The following ALDH1L1 variants were observed in gnomAD, a reference collection of about 807,000 sequenced individuals.
ALDH1L1 encodes cytosolic 10-formyltetrahydrofolate dehydrogenase.
Under a neutral mutation model 101.1 loss-of-function variants are expected in ALDH1L1, and 68 were observed. That is an observed-to-expected ratio of 0.67 (90% confidence interval 0.55 to 0.82). The LOEUF (loss-of-function observed/expected upper bound fraction) is 0.82, where lower values mean the gene tolerates loss of function less well. ALDH1L1 is among the 40% of genes least tolerant of loss of function. The probability of loss-of-function intolerance (pLI) is 0.00; values close to 1 mark genes in which losing one functional copy is unlikely to be tolerated. For missense variants in ALDH1L1, 1,087 were observed against 1,172.7 expected (o/e 0.93, Z 1.07); for synonymous variants, 486 against 470.8 (o/e 1.03, Z -0.42).
At chr3:126,139,002 C>T (rs1018670254) in intron 9 of ALDH1L1, among the ~76,000 whole-genome samples, 4 of 152,202 alleles carry the variant, frequency 2.6e-5, no homozygotes, top group Non-Finnish European at 5.9e-5. Flanking sequence ...TTGGCTGTCA[C>T]CCCCCACCTC....
intron 1 of ALDH1L1, among the ~76,000 whole-genome samples, chr3:126,164,018 C>A (rs996407266): frequency 6.6e-6 from 1 of 151,912 alleles, no homozygotes; most frequent in African/African-American, 2.4e-5. Flanking sequence ...GTAGTCCCAG[C>A]TACTTGGGAG....
intron 9 of ALDH1L1, among the ~76,000 whole-genome samples, chr3:126,142,074 T>C (rs1424637207): frequency 1.3e-5 from 2 of 150,156 alleles, no homozygotes; most frequent in African/African-American, 5.0e-5. Flanking sequence ...ATAAATTATA[T>C]GGCAACAGAT....
intron 16 of ALDH1L1, among the ~76,000 whole-genome samples, chr3:126,121,700 ACT>A (rs1173909504): frequency 6.6e-6 from 1 of 152,154 alleles, no homozygotes; most frequent in African/African-American, 2.4e-5. Context: ...AGAAAATCTG[ACT>A]CTCAGTAAGA....
intron 19 of ALDH1L1, among the ~76,000 whole-genome samples, chr3:126,111,144 C>T (rs1236889179): frequency 6.6e-6 from 1 of 152,244 alleles, no homozygotes; most frequent in Non-Finnish European, 1.5e-5. Flanking sequence ...CTCACTTGGC[C>T]GGGCAGGCCA....
intron 1 of ALDH1L1, among the ~76,000 whole-genome samples, chr3:126,164,594 G>A (rs920412066): frequency 4.6e-5 from 7 of 152,184 alleles, no homozygotes; most frequent in South Asian, 2.1e-4. Flanking sequence ...TGGTGTATAT[G>A]TACATTTTAT....
chr3:126,119,573 C>T (rs569725903), intron 16 of ALDH1L1, among the ~76,000 whole-genome samples: 16 of 152,302 alleles, frequency 1.1e-4, no homozygotes, highest in Middle Eastern at 3.4e-3. Context: ...TGCCCAGGCA[C>T]GCCCATGAAG....
chr3:126,152,869 C>T (rs2080832919), intron 7 of ALDH1L1: 1 of 178,720 alleles, frequency 5.6e-6, no homozygotes, highest in African/African-American at 2.4e-5. Flanking sequence ...TTATACATAT[C>T]TCATAGTGTT....
Position 126,157,477 on chromosome 3 carries a change from A to AC in ALDH1L1, c.393dup (p.Phe132ValfsTer8). ...CCATCATCCGCCCAGAAGATGGAAAACCCCCCTTTCTTATCTCCGTGAATG... is the reference window on the plus strand; with the variant it reads ...CCATCATCCGCCCAGAAGATGGAAAACCCCCCCTTTCTTATCTCCGTGAATG... On this transcript the variant is annotated frameshift_variant, in exon 4 of 23. Transcript: ENST00000393434. LOFTEE classifies it high-confidence loss of function. 6.2e-7 allele frequency: 1 copy of AC among 1,613,144 alleles called. No individual in the cohort carries two copies. The highest frequency in any genetic ancestry group is 8.5e-7 in the Non-Finnish European group (1 of 1,179,786).
At chr3:126,156,242 C>T (rs1033263221) in intron 4 of ALDH1L1, 1 of 152,226 alleles carries the variant, frequency 6.6e-6, no homozygotes, top group African/African-American at 2.4e-5. Flanking sequence ...CCTTGTTGGA[C>T]AGTGCAGCTT....
intron 16 of ALDH1L1, among the ~76,000 whole-genome samples, chr3:126,122,007 T>C (rs552194620): frequency 6.6e-6 from 1 of 152,280 alleles, no homozygotes; most frequent in South Asian, 2.1e-4. Context: ...GAGAAGACAG[T>C]ACATGACTGT....
At chr3:126,144,663 AATCG>A (rs978419600) in intron 9 of ALDH1L1, among the ~76,000 whole-genome samples, 63 of 152,306 alleles carry the variant, frequency 4.1e-4, no homozygotes, top group African/African-American at 1.5e-3. Flanking sequence ...AAAATAATTA[AATCG>A]GATCCTTATC....
chr3:126,125,476 T>G (rs775683469), intron 15 of ALDH1L1, 140 bp downstream of exon 15: 1 of 535,294 alleles, frequency 1.9e-6, no homozygotes, highest in Non-Finnish European at 3.0e-6. Flanking sequence ...GTGGGGCCCA[T>G]GGAGGGCAGC....
chr3:126,135,567 G>T lies in ALDH1L1; in HGVS notation c.1440C>A (p.Ile480=). 3 of 1,604,410 alleles carry T rather than the reference G, an allele frequency of 1.9e-6. No individual in the cohort carries two copies. The South Asian group carries it at 3.4e-5, about 18-fold the overall frequency. The change falls in exon 12 of 23, where the codon ATC becomes ATA. Residue 480 remains isoleucine (I), a synonymous_variant. Coordinates refer to ENST00000393434, the MANE Select transcript of ALDH1L1 (RefSeq NM_012190.4). ...TCAGCCGGCCCCGGTCCCGCGCACT[G>T]ATCTTCCCCCACCGTCCATTCTCAA... ...DAFENGRWGK[I]SARDRGRLMY...
intron 1 of ALDH1L1, among the ~76,000 whole-genome samples, chr3:126,161,622 A>G (rs1440380874): frequency 7.2e-5 from 11 of 152,258 alleles, no homozygotes; most frequent in African/African-American, 2.4e-4. Context: ...CACATTCTCC[A>G]AAGATTGGTC....
chr3:126,110,200 T>C, intron 19 of ALDH1L1, 91 bp from the exon 20 acceptor site: 1 of 1,518,160 alleles, frequency 6.6e-7, no homozygotes, highest in Non-Finnish European at 9.0e-7. Flanking sequence ...GGCTGACCCC[T>C]GGGGAAAGTC....
chr3:126,124,351 C>A lies in ALDH1L1; in HGVS notation c.1888+13G>T. 1.2e-6 allele frequency: 2 copies of A among 1,605,850 alleles called. No homozygotes were observed. The highest frequency in any genetic ancestry group is 1.7e-6 in the Non-Finnish European group (2 of 1,176,402). On this transcript the variant is annotated intron_variant, in intron 16 of 22. Coordinates refer to ENST00000393434, the MANE Select transcript of ALDH1L1 (RefSeq NM_012190.4). ...CCAGAAGCCCTAGCCCTGCCCCCGA[C>A]AATGGCTCTTACCAGATCCTGGGAG...
At chr3:126,174,333 A>C (rs151043011) in intron 1 of ALDH1L1, among the ~76,000 whole-genome samples, 64 of 152,336 alleles carry the variant, frequency 4.2e-4, no homozygotes, top group African/African-American at 1.5e-3. Context: ...CCTGGCCAGT[A>C]CCCACTAACT....
At chr3:126,114,272 G>A (rs927622664) in intron 18 of ALDH1L1, among the ~76,000 whole-genome samples, 18 of 152,122 alleles carry the variant, frequency 1.2e-4, no homozygotes, top group Admixed American at 1.3e-4. Context: ...TGTGGCGTGT[G>A]TTTCCCAATT....
intron 1 of ALDH1L1, among the ~76,000 whole-genome samples, chr3:126,177,814 C>A (rs1293963288): frequency 2.0e-5 from 3 of 147,460 alleles, no homozygotes; most frequent in African/African-American, 7.6e-5. Flanking sequence ...CCAAGGCGGG[C>A]TGATCACTTG....
Sources: gnomAD v4.1 joint callset for allele counts (sites outside exome capture counted in the v4.1 genomes callset) on GRCh38, gnomAD v4.1.1 for gene constraint, MANE v1.5 for transcripts, NCBI Gene and HGNC (gene_info 2026-07-23, HGNC 2026-07-21) for gene names.